Variants in PTTG1IP observed in about 807,000 individuals in gnomAD.
PTTG1IP encodes the protein pituitary tumor-transforming gene 1 protein-interacting protein.
PTTG1IP carries 16 observed loss-of-function variants against 24.4 expected under a neutral mutation model. The observed-to-expected ratio is 0.66, with a 90% CI of 0.44 to 1.00. The LOEUF (loss-of-function observed/expected upper bound fraction) is 1.00, where lower values mean the gene tolerates loss of function less well. PTTG1IP is among the 50% of genes least tolerant of loss of function. The probability of loss-of-function intolerance (pLI) is 0.00; values close to 1 mark genes in which losing one functional copy is unlikely to be tolerated. For synonymous variants in PTTG1IP, 89 were observed against 96.8 expected (o/e 0.92, Z 0.47); for missense variants, 241 against 245.8 (o/e 0.98, Z 0.13).
rs374645545 is a variant in PTTG1IP, at chr21:44,854,158, C to G, written c.496+1052G>C. Among the ~76,000 whole-genome samples, 4 of 152,286 alleles carry G rather than the reference C, an allele frequency of 2.6e-5. No individual in the cohort carries two copies. The East Asian group carries it at 5.8e-4, about 22-fold the overall frequency. On this transcript the variant is annotated intron_variant, in intron 5 of 5. Transcript: ENST00000330938. ...GCTGCTGGGCTTTGCCGTCCACCCCCCACCCGATGACCGAGAACCGCAGCG... is the reference window on the plus strand; with the variant it reads ...GCTGCTGGGCTTTGCCGTCCACCCCGCACCCGATGACCGAGAACCGCAGCG...
intron 5 of PTTG1IP, among the ~76,000 whole-genome samples, chr21:44,852,721 G>A (rs2083420219): frequency 1.3e-5 from 2 of 152,016 alleles, no homozygotes; most frequent in African/African-American, 4.8e-5. Flanking sequence ...TAGCAAGGAG[G>A]CTGGTTAAGT....
intron 5 of PTTG1IP, among the ~76,000 whole-genome samples, 187 bp downstream of exon 5, chr21:44,855,023 T>G (rs2083438289): frequency 6.6e-6 from 1 of 152,128 alleles, no homozygotes; most frequent in African/African-American, 2.4e-5. Context: ...ATAAAGATAT[T>G]CTTAGGAGTG....
Position 44,865,347 on chromosome 21 carries a change from T to C in PTTG1IP, c.168+48A>G, listed in dbSNP as rs755154859. On this transcript the variant is annotated intron_variant, in intron 2 of 5. Transcript: ENST00000330938. ...GGACCTAGAGAAAGCCCGTGTGCCT[T>C]TGGACGGTCTGGACGGCACTCTGGT... The C allele has an allele frequency of 4.4e-6, 7 of 1,586,088 alleles. No homozygotes were observed. In the Admixed American group the frequency reaches 6.7e-5, roughly 15 times the overall value.
At position 44,851,611 on chromosome 21, in the gene PTTG1IP, T is replaced by C. The variant is rs1181544707; in HGVS notation, c.513A>G (p.Glu171=). The change falls in exon 6 of 6, where the codon GAA becomes GAG. Residue 171 remains glutamate, a synonymous_variant. Transcript: ENST00000330938. ...TGTTTTCAAATCTAGCATACGGGTT[T>C]TCTTCTTTAAACAGGCCTGAAACAA... ...IRKKYGLFKE[E]NPYARFENN is the part of the protein sequence containing the mutation. 1 of 1,587,106 alleles carries C rather than the reference T, an allele frequency of 6.3e-7. No homozygotes were observed. Among genetic ancestry groups the C allele is most frequent in the African/African-American group, 1.3e-5 (1 of 74,336 alleles).
rs569433723 is a variant in PTTG1IP, at chr21:44,873,678, C to T, written c.-62G>A. On this transcript the variant is annotated 5_prime_UTR_variant, in exon 1 of 6. Coordinates refer to ENST00000330938, the MANE Select transcript of PTTG1IP (RefSeq NM_004339.4). ...CAACTCCGACTCCAGCACAAGCGGT[C>T]TCCGCCCGGAACAGCCGCGGCGCCG... 2 of 1,298,658 alleles carry T rather than the reference C, an allele frequency of 1.5e-6. No homozygotes were observed. The highest frequency in any genetic ancestry group is 2.0e-6 in the Non-Finnish European group (2 of 1,019,786). 80.4% of individuals were successfully genotyped at this position (1,298,658 alleles called of 1,614,324 possible).
intron 1 of PTTG1IP, among the ~76,000 whole-genome samples, chr21:44,869,042 C>G (rs181226414): frequency 1.3e-5 from 2 of 152,212 alleles, no homozygotes; most frequent in African/African-American, 2.4e-5. Flanking sequence ...ATCACTGTGC[C>G]GTGCTCCTGC....
chr21:44,863,399 T>C (rs967010506), intron 2 of PTTG1IP, among the ~76,000 whole-genome samples: 22 of 152,166 alleles, frequency 1.4e-4, no homozygotes, highest in Non-Finnish European at 2.5e-4. Flanking sequence ...ACCTCCTGTG[T>C]GCCCAAGAGC....
chr21:44,867,374 T>C (rs528437142), intron 1 of PTTG1IP, among the ~76,000 whole-genome samples: 1 of 150,124 alleles, frequency 6.7e-6, no homozygotes, highest in African/African-American at 2.5e-5. Context: ...GCTATGCCGC[T>C]CTAGAAAAGG....
chr21:44,852,157 C>T (rs878867407), intron 5 of PTTG1IP, among the ~76,000 whole-genome samples: 2 of 152,144 alleles, frequency 1.3e-5, no homozygotes, highest in Non-Finnish European at 2.9e-5. Flanking sequence ...GAAACACACA[C>T]ACATACACAC....
chr21:44,867,110 C>G (rs183519), intron 1 of PTTG1IP, among the ~76,000 whole-genome samples: 29,050 of 152,158 alleles, frequency 0.19, 2,929 homozygotes, highest in Middle Eastern at 0.3. Context: ...AACACTCACA[C>G]GATACCAGCA....
chr21:44,862,005 A>G (rs911027198), intron 2 of PTTG1IP: 23 of 623,030 alleles, frequency 3.7e-5, no homozygotes, highest in Admixed American at 1.2e-4. Context: ...AGAGAACCTC[A>G]TAGACGCTCT....
rs1474580274 is a variant in PTTG1IP, at chr21:44,856,225, C to T, written c.417G>A (p.Glu139=). ...PDRSEEKAMR[E]REERRIRQEE... The stretch of plus-strand genomic sequence containing the variant: ...CCTGCCGTATCCGCCTCTCCTCCCG[C>T]TCACGCATGGCCTTCTCCTCACTCC... Residue 139 remains glutamate, a synonymous_variant, in exon 4 of 6, where the codon GAG becomes GAA. Coordinates refer to ENST00000330938, the MANE Select transcript of PTTG1IP (RefSeq NM_004339.4). 4 of 1,614,250 alleles carry T rather than the reference C, an allele frequency of 2.5e-6. No homozygotes were observed. The highest frequency in any genetic ancestry group is 3.4e-6 in the Non-Finnish European group (4 of 1,180,028).
Position 44,863,279 on chromosome 21 carries a change from GA to G in PTTG1IP, c.169-2009del, listed in dbSNP as rs2083508780. 1.2e-4 allele frequency among the ~76,000 whole-genome samples: 14 copies of G among 121,020 alleles called. 6 individuals carry two copies. The highest frequency in any genetic ancestry group is 4.4e-4 in the African/African-American group (13 of 29,822). 79.4% of individuals were successfully genotyped at this position (121,020 alleles called of 152,430 possible). On this transcript the variant is annotated intron_variant, in intron 2 of 5. Coordinates refer to ENST00000330938, the MANE Select transcript of PTTG1IP (RefSeq NM_004339.4). ...CCCGCCACGGCCTCGGCAACACAGA[GA>G]CACACAGCCCGCCACGGCCTCAGGA... is the stretch of plus-strand genomic sequence containing the variant.
intron 2 of PTTG1IP, among the ~76,000 whole-genome samples, 160 bp downstream of exon 2, chr21:44,865,235 G>C (rs1316370407): frequency 6.6e-6 from 1 of 152,182 alleles, no homozygotes; most frequent in East Asian, 1.9e-4. Flanking sequence ...TACCTGAAAT[G>C]GCTAAAATAA....
At chr21:44,873,227 G>A (rs960335145) in intron 1 of PTTG1IP, among the ~76,000 whole-genome samples, 1 of 152,244 alleles carries the variant, frequency 6.6e-6, no homozygotes, top group Non-Finnish European at 1.5e-5. Flanking sequence ...GCCAACCCGA[G>A]GCCACGCGCG....
intron 4 of PTTG1IP, 137 bp downstream of exon 4, chr21:44,856,056 G>A (rs1569321842): frequency 1.3e-6 from 2 of 1,538,008 alleles, no homozygotes; most frequent in Non-Finnish European, 1.8e-6. Context: ...CGACCTAGAA[G>A]ATCCCCTGGG....
At chr21:44,870,753 G>A (rs1003721950) in intron 1 of PTTG1IP, among the ~76,000 whole-genome samples, 1 of 152,136 alleles carries the variant, frequency 6.6e-6, no homozygotes, top group East Asian at 1.9e-4. Flanking sequence ...CTTCAACTTA[G>A]ACTCCATTTA....
At chr21:44,861,861 T>A (rs981892511) in intron 2 of PTTG1IP, 32 of 717,236 alleles carry the variant, frequency 4.5e-5, no homozygotes, top group Non-Finnish European at 7.5e-5. Flanking sequence ...TTGTGTTGAA[T>A]GGACTTGGGT....
rs139034573 is a variant in PTTG1IP, at chr21:44,865,171, T to C, written c.168+224A>G. On this transcript the variant is annotated intron_variant, in intron 2 of 5. Transcript: ENST00000330938. ...CCCCATCTGCATAGGAGTGAAATCA[T>C]GGATACTGACCATGCTCAGACAGTA... is the stretch of plus-strand genomic sequence containing the variant. Among the ~76,000 whole-genome samples, 159 of 152,348 alleles carry C rather than the reference T, an allele frequency of 1.0e-3. 1 individual carries two copies. The highest frequency in any genetic ancestry group is 3.8e-3 in the African/African-American group (156 of 41,584).
Sources: allele counts gnomAD v4.1 joint callset (sites outside exome capture counted in the v4.1 genomes callset), GRCh38; gene constraint gnomAD v4.1.1; transcripts MANE v1.5; gene names NCBI Gene and HGNC (gene_info 2026-07-23, HGNC 2026-07-21).